Variants in GLIS1 observed in about 807,000 individuals in gnomAD.
GLIS1 encodes zinc finger protein GLIS1.
A neutral mutation model predicts 63.8 loss-of-function variants in GLIS1; 24 were observed. The observed-to-expected ratio is 0.38, with a 90% CI of 0.27 to 0.53. The LOEUF (loss-of-function observed/expected upper bound fraction) is 0.53. GLIS1 is among the 20% of genes least tolerant of loss of function. GLIS1 has a pLI of 0.85. For missense variants in GLIS1, 1,036 were observed against 1,074.1 expected (o/e 0.96, Z 0.50); for synonymous variants, 450 against 482.5 (o/e 0.93, Z 0.88).
chr1:53,640,842 C>A (rs1004319878), intron 2 of GLIS1, among the ~76,000 whole-genome samples: 1 of 152,172 alleles, frequency 6.6e-6, no homozygotes, highest in African/African-American at 2.4e-5. Flanking sequence ...CACACACACA[C>A]GCTCATGCTT....
intron 8 of GLIS1, among the ~76,000 whole-genome samples, chr1:53,512,587 GA>G (rs917032895): frequency 1.3e-5 from 2 of 152,124 alleles, no homozygotes; most frequent in African/African-American, 4.8e-5. Flanking sequence ...CTCAGGGGAT[GA>G]AAAAAGAAAC....
intron 2 of GLIS1, among the ~76,000 whole-genome samples, chr1:53,659,703 C>G (rs538045982): frequency 6.6e-6 from 1 of 152,178 alleles, no homozygotes; most frequent in Non-Finnish European, 1.5e-5. Context: ...AGGGGCTGAG[C>G]GCCTGGACCC....
At chr1:53,578,420 T>C (rs1335175324) in intron 4 of GLIS1, among the ~76,000 whole-genome samples, 2 of 152,232 alleles carry the variant, frequency 1.3e-5, no homozygotes, top group African/African-American at 2.4e-5. Context: ...ATAAGGTCTA[T>C]TGTTTTGTTC....
intron 2 of GLIS1, among the ~76,000 whole-genome samples, chr1:53,710,400 G>A (rs1646634631): frequency 6.6e-6 from 1 of 152,258 alleles, no homozygotes; most frequent in South Asian, 2.1e-4. Context: ...ATCTCATTCA[G>A]TCTTCATAAC....
chr1:53,730,091 C>T (rs1038846620), intron 2 of GLIS1, among the ~76,000 whole-genome samples: 8 of 152,182 alleles, frequency 5.3e-5, no homozygotes, highest in Non-Finnish European at 7.3e-5. Flanking sequence ...GCTGAAGCTA[C>T]TTAACCACCG....
At position 53,594,676 on chromosome 1, in the gene GLIS1, G is replaced by C; in HGVS notation, c.752C>G (p.Ala251Gly). 6.4e-7 allele frequency: 1 copy of C among 1,553,302 alleles called. No homozygotes were observed. Among genetic ancestry groups the C allele is most frequent in the South Asian group, 1.2e-5 (1 of 81,288 alleles). Residue 251 changes from alanine to glycine, a missense_variant, in exon 4 of 11, where the codon GCC becomes GGC. Coordinates refer to ENST00000628545, the MANE Select transcript of GLIS1 (RefSeq NM_001367484.1). ...GGAGGAGGCACAGGGTGAGGAGGAG[G>C]CTGGGGAGGTGGGGGGTAGGCCCAA... The part of the protein sequence containing the change: ...CVLGLPPTSP[A>G]SSSPCASSDV...
intron 2 of GLIS1, among the ~76,000 whole-genome samples, chr1:53,645,656 G>A (rs1015793988): frequency 2.0e-5 from 3 of 152,218 alleles, no homozygotes; most frequent in African/African-American, 7.2e-5. Context: ...GAAGGGCTAT[G>A]CCATCTGTGC....
At chr1:53,701,784 G>A (rs751974711) in intron 2 of GLIS1, among the ~76,000 whole-genome samples, 2 of 152,058 alleles carry the variant, frequency 1.3e-5, no homozygotes, top group Non-Finnish European at 2.9e-5. Flanking sequence ...CTTTAGGTCC[G>A]GAGTTTGAGA....
At chr1:53,719,258 C>T (rs748846052) in intron 2 of GLIS1, among the ~76,000 whole-genome samples, 39 of 152,206 alleles carry the variant, frequency 2.6e-4, no homozygotes, top group Non-Finnish European at 4.4e-4. Flanking sequence ...ACTCACTGCT[C>T]GGCGTCCAGG....
At chr1:53,541,722 T>C (rs998977100) in intron 4 of GLIS1, among the ~76,000 whole-genome samples, 2 of 152,178 alleles carry the variant, frequency 1.3e-5, no homozygotes, top group African/African-American at 4.8e-5. Flanking sequence ...ACCCATCCGG[T>C]GGCCAAGTGC....
chr1:53,583,595 C>CT, intron 4 of GLIS1, among the ~76,000 whole-genome samples: 1 of 152,298 alleles, frequency 6.6e-6, no homozygotes, highest in South Asian at 2.1e-4. Flanking sequence ...AGGGAAGTGG[C>CT]TATACAGAGA....
intron 4 of GLIS1, among the ~76,000 whole-genome samples, chr1:53,580,944 A>T (rs954354454): frequency 2.0e-5 from 3 of 152,218 alleles, no homozygotes; most frequent in African/African-American, 7.2e-5. Flanking sequence ...CAGCTGCTGC[A>T]GCAGCAGCTA....
chr1:53,597,470 G>A (rs748250207), intron 3 of GLIS1, among the ~76,000 whole-genome samples: 24 of 151,918 alleles, frequency 1.6e-4, no homozygotes, highest in Non-Finnish European at 3.4e-4. Flanking sequence ...CTGGGACCAT[G>A]AGGACTGAAT....
chr1:53,515,089 G>A (rs902394450), intron 7 of GLIS1, among the ~76,000 whole-genome samples: 1 of 143,016 alleles, frequency 7.0e-6, no homozygotes, highest in South Asian at 2.2e-4. Flanking sequence ...ATGTGTGTGT[G>A]TGTGTGTGTG....
In GLIS1 at chr1:53,506,417, C is replaced by A. The variant is rs1395591664; in HGVS notation, c.*202G>T. ...ACAGGGCCACAGATCCTGGCGGGCA[C>A]CTCTGTGCGCCCAGCTCAAGCTCGG... is the stretch of plus-strand genomic sequence containing the variant. On this transcript the variant is annotated 3_prime_UTR_variant, in exon 11 of 11. Coordinates refer to ENST00000628545, the MANE Select transcript of GLIS1 (RefSeq NM_001367484.1). 1.7e-6 allele frequency: 1 copy of A among 583,642 alleles called. No homozygotes were observed. Among genetic ancestry groups the A allele is most frequent in the Non-Finnish European group, 3.0e-6 (1 of 329,380 alleles). The allele number at this position is 583,642 out of a possible 1,614,324, so 36.2% of individuals were successfully genotyped here. A position where few individuals can be genotyped will look rare whatever the true frequency, so the allele number is the denominator to read the frequency against.
chr1:53,647,319 C>T (rs1645857504), intron 2 of GLIS1, among the ~76,000 whole-genome samples: 1 of 152,086 alleles, frequency 6.6e-6, no homozygotes, highest in African/African-American at 2.4e-5. Flanking sequence ...TATAAAGCTA[C>T]AGTAATTAAT....
chr1:53,587,017 G>C (rs1645143100), intron 4 of GLIS1, among the ~76,000 whole-genome samples: 1 of 152,166 alleles, frequency 6.6e-6, no homozygotes, highest in African/African-American at 2.4e-5. Flanking sequence ...ACAGAGAAAG[G>C]GGGAGCTAAG....
Position 53,506,513 on chromosome 1 carries a change from G to T in GLIS1, c.*106C>A. ...CCCTGGGTCATGGCCTGGCTGTTCCGGCTGTGGCCTGGCACTCCTGCTAGG... is the reference window on the plus strand; with the variant it reads ...CCCTGGGTCATGGCCTGGCTGTTCCTGCTGTGGCCTGGCACTCCTGCTAGG... On this transcript the variant is annotated 3_prime_UTR_variant, in exon 11 of 11. Coordinates refer to ENST00000628545, the MANE Select transcript of GLIS1 (RefSeq NM_001367484.1). The T allele has an allele frequency of 1.6e-6, 2 of 1,234,688 alleles. No individual in the cohort carries two copies. Among genetic ancestry groups the T allele is most frequent in the Non-Finnish European group, 1.2e-6 (1 of 866,930 alleles). 76.5% of individuals were successfully genotyped at this position (1,234,688 alleles called of 1,614,324 possible).
intron 2 of GLIS1, among the ~76,000 whole-genome samples, chr1:53,644,435 T>C (rs906917421): frequency 1.3e-5 from 2 of 152,130 alleles, no homozygotes; most frequent in Admixed American, 6.5e-5. Flanking sequence ...GAGAAGACAG[T>C]GAACAAAACA....
Sources: gnomAD v4.1 joint callset for allele counts (sites outside exome capture counted in the v4.1 genomes callset) on GRCh38, gnomAD v4.1.1 for gene constraint, MANE v1.5 for transcripts, NCBI Gene and HGNC (gene_info 2026-07-23, HGNC 2026-07-21) for gene names.